The following NR4A1 variants were observed in gnomAD, a reference collection of about 807,000 sequenced individuals.
NR4A1 encodes nuclear receptor subfamily 4 group A member 1.
In NR4A1, 24 loss-of-function variants were observed where a neutral mutation model predicts 47.5. The ratio of observed to expected loss-of-function variants is 0.50; its 90% confidence interval spans 0.37 to 0.71. The LOEUF is 0.71. NR4A1 is among the 30% of genes least tolerant of loss of function. NR4A1 has a pLI of 0.00. For missense variants in NR4A1, 669 were observed against 788.6 expected (o/e 0.85, Z 1.82); for synonymous variants, 353 against 345.7 (o/e 1.02, Z -0.24).
intron 1 of NR4A1, chr12:52,038,829 TAAG>T (rs1938335539): frequency 1.4e-6 from 1 of 730,574 alleles, no homozygotes; most frequent in African/African-American, 1.7e-5. Flanking sequence ...CTGCTGGACT[TAAG>T]AAAGTCAGCT....
intron 1 of NR4A1, among the ~76,000 whole-genome samples, chr12:52,024,748 AG>A (rs1937969755): frequency 6.6e-6 from 1 of 152,202 alleles, no homozygotes; most frequent in South Asian, 2.1e-4. Flanking sequence ...AAAACCAAAA[AG>A]AAAAGAAACA....
rs1482013270 is a variant in NR4A1 at position 52,051,504 on chromosome 12, C to T, written c.-67C>T. 29 of 985,524 alleles carry T rather than the reference C, an allele frequency of 2.9e-5. No individual in the cohort carries two copies. Among genetic ancestry groups the T allele is most frequent in the Non-Finnish European group, 3.3e-5 (27 of 830,076 alleles). 61.0% of individuals were successfully genotyped at this position (985,524 alleles called of 1,614,324 possible). On this transcript the variant is annotated 5_prime_UTR_variant, in exon 1 of 7. Coordinates refer to ENST00000394825, the MANE Select transcript of NR4A1 (RefSeq NM_173157.3). ...CACAGAAGAACTTCGGGAGCGCACG[C>T]GGGACCAGGGACCAGGCTGAGACTC...
At chr12:52,046,856 G>A (rs1391098810), upstream of NR4A1, among the ~76,000 whole-genome samples, 1 of 152,096 alleles carries the variant, frequency 6.6e-6, no homozygotes, top group East Asian at 1.9e-4. Context: ...GGTGGCGGGC[G>A]CTTGTAGTCC....
chr12:52,043,911 G>C, intron 2 of NR4A1: 1 of 1,289,252 alleles, frequency 7.8e-7, no homozygotes, highest in Non-Finnish European at 1.0e-6. Context: ...GGAGGAAGCT[G>C]GTGAGTCTTG....
chr12:52,057,251 G>C lies in NR4A1; in HGVS notation c.1353G>C (p.Leu451=). ...TCCTGGAGCTCTTCATCCTCCGCCT[G>C]GCGTACAGGTGAGAGCCACTGACTG... The part of the protein sequence containing the change: ...SAFLELFILR[L]AYRSKPGEGK... The change falls in exon 5 of 7, where the codon CTG becomes CTC. Residue 451 remains leucine, a synonymous_variant. Coordinates refer to ENST00000394825, the MANE Select transcript of NR4A1 (RefSeq NM_173157.3). 1 of 1,613,668 alleles carries C rather than the reference G, an allele frequency of 6.2e-7. No individual in the cohort carries two copies. The highest frequency in any genetic ancestry group is 1.6e-4 in the Middle Eastern group (1 of 6,062).
chr12:52,037,570 G>GGC, intron 1 of NR4A1: 1 of 983,884 alleles, frequency 1.0e-6, no homozygotes, highest in African/African-American at 1.7e-5. Flanking sequence ...GGGAGTCGGG[G>GGC]GGGGGACTGG....
chr12:52,057,149 C>T lies in NR4A1; in HGVS notation c.1251C>T (p.Ile417=). ...TGCTCTCCGGTTCTCTGGAGGTCATCCGCAAGTGGGCGGAGAAGATCCCTG... is the reference window on the plus strand; with the variant it reads ...TGCTCTCCGGTTCTCTGGAGGTCATTCGCAAGTGGGCGGAGAAGATCCCTG... ...YDLLSGSLEV[I]RKWAEKIPGF... The change falls in exon 5 of 7, where the codon ATC becomes ATT. Residue 417 remains isoleucine (I), a synonymous_variant. Transcript: ENST00000394825. The T allele has an allele frequency of 6.2e-7, 1 of 1,614,096 alleles. No homozygotes were observed. Among genetic ancestry groups the T allele is most frequent in the Non-Finnish European group, 8.5e-7 (1 of 1,179,970 alleles).
chr12:52,026,170 G>A (rs1937995389), intron 1 of NR4A1, among the ~76,000 whole-genome samples: 2 of 152,242 alleles, frequency 1.3e-5, no homozygotes, highest in South Asian at 4.1e-4. Flanking sequence ...CGCGTTTGCT[G>A]TGAGGTTGGG....
chr12:52,057,936 A>G (rs1939361657), intron 6 of NR4A1, among the ~76,000 whole-genome samples: 1 of 152,028 alleles, frequency 6.6e-6, no homozygotes, highest in African/African-American at 2.4e-5. Flanking sequence ...AGAACCCATT[A>G]TTGTGCCCCC....
chr12:52,054,664 C>T lies in NR4A1; in HGVS notation c.336C>T (p.Tyr112=), dbSNP rs1446481328. ...AGGACTTCCAGGTGTACGGCTGCTA[C>T]CCCGGCCCCCTGAGCGGCCCAGTGG... ...KFEDFQVYGC[Y]PGPLSGPVDE... Residue 112 remains tyrosine (Y), a synonymous_variant, in exon 2 of 7, where the codon TAC becomes TAT. Transcript: ENST00000394825. 3 of 1,614,012 alleles carry T rather than the reference C, an allele frequency of 1.9e-6. No homozygotes were observed. Among genetic ancestry groups the T allele is most frequent in the South Asian group, 2.2e-5 (2 of 91,092 alleles).
At chr12:52,043,844 G>C (rs923693456) in intron 2 of NR4A1, 1 of 1,288,924 alleles carries the variant, frequency 7.8e-7, no homozygotes, top group African/African-American at 1.5e-5. Flanking sequence ...CCAATCTTGG[G>C]ATTCTCCCTT....
chr12:52,041,839 GC>G (rs982140648), exon 2 of NR4A1: 23 of 1,502,210 alleles, frequency 1.5e-5, no homozygotes, highest in Non-Finnish European at 1.9e-5. Context: ...GCCAGGCCCT[GC>G]CCCTCCCAGG....
chr12:52,029,551 G>C (rs1439940163), intron 1 of NR4A1, among the ~76,000 whole-genome samples: 2 of 152,152 alleles, frequency 1.3e-5, no homozygotes, highest in African/African-American at 4.8e-5. Context: ...AGCCAGGCAT[G>C]GTGGCATACA....
rs146570133 is a variant in NR4A1 at position 52,027,598 on chromosome 12, T to C, written c.-84+4659T>C. Among the ~76,000 whole-genome samples the C allele has an allele frequency of 1.7e-3, 252 of 152,274 alleles. 1 individual carries two copies. The highest frequency in any genetic ancestry group is 5.9e-3 in the African/African-American group (244 of 41,548). On this transcript the variant is annotated intron_variant, in intron 1 of 7. Transcript: ENST00000360284. ...AGCTCTGCTGCTCTGAGTCCTGTGC[T>C]AAGGGCCCGCAAGGAAAGAGGAAGA...
In NR4A1 at chr12:52,057,377, ATCT is replaced by A; in HGVS notation, c.1391_1393del (p.Phe464del). ...GTCTAAGCCAGGCGAGGGCAAGCTCATCTTCTGCTCAGGCCTGGTGCTACACCG... is the reference window on the plus strand; with the variant it reads ...GTCTAAGCCAGGCGAGGGCAAGCTCATCTGCTCAGGCCTGGTGCTACACCG... On this transcript the variant is annotated inframe_deletion, in exon 6 of 7. Coordinates refer to ENST00000394825, the MANE Select transcript of NR4A1 (RefSeq NM_173157.3). The A allele has an allele frequency of 1.2e-6, 2 of 1,614,194 alleles. No homozygotes were observed. The highest frequency in any genetic ancestry group is 8.5e-7 in the Non-Finnish European group (1 of 1,180,042).
rs753894194 is a variant in NR4A1 at position 52,054,948 on chromosome 12, T to C, written c.620T>C (p.Leu207Pro). ...AGCCCCAGCCTGGCCCAGAGCCCCCTGAAGTTGTTCCCCTCACAGGCCACC... is the reference window on the plus strand; with the variant it reads ...AGCCCCAGCCTGGCCCAGAGCCCCCCGAAGTTGTTCCCCTCACAGGCCACC... ...GPSPSLAQSPLKLFPSQATHQ... is the reference protein window; with the variant it reads ...GPSPSLAQSPPKLFPSQATHQ... Residue 207 changes from leucine to proline, a missense_variant, in exon 2 of 7, where the codon CTG becomes CCG. Physicochemically the swap from Leu to Pro is moderately conservative, Grantham distance 98. Transcript: ENST00000394825. 4.3e-6 allele frequency: 7 copies of C among 1,614,132 alleles called. No homozygotes were observed. In the South Asian group the frequency reaches 6.6e-5, roughly 15 times the overall value.
intron 1 of NR4A1, among the ~76,000 whole-genome samples, chr12:52,031,751 AT>A (rs1938130365): frequency 6.9e-6 from 1 of 143,938 alleles, no homozygotes; most frequent in South Asian, 2.2e-4. Context: ...CCTCCATTTC[AT>A]TTTCTCTTTA....
intron 1 of NR4A1, among the ~76,000 whole-genome samples, chr12:52,023,696 C>G (rs543743202): frequency 6.6e-6 from 1 of 152,182 alleles, no homozygotes; most frequent in Admixed American, 6.5e-5. Flanking sequence ...CCAGCCCCTC[C>G]CCTGCTGCTC....
chr12:52,050,569 C>G (rs2120389737), upstream of NR4A1, among the ~76,000 whole-genome samples: 1 of 152,368 alleles, frequency 6.6e-6, no homozygotes, highest in East Asian at 1.9e-4. Flanking sequence ...GTGCACTCCC[C>G]CTGTAAGGGG....
Sources: allele counts gnomAD v4.1 joint callset (sites outside exome capture counted in the v4.1 genomes callset), GRCh38; gene constraint gnomAD v4.1.1; transcripts MANE v1.5; gene names NCBI Gene and HGNC (gene_info 2026-07-23, HGNC 2026-07-21).